TNNI3K: variants seen among roughly 807,000 people sequenced by gnomAD.
TNNI3K encodes the protein serine/threonine-protein kinase TNNI3K.
A neutral mutation model predicts 114.5 loss-of-function variants in TNNI3K; 140 were observed. That is an observed-to-expected ratio of 1.22 (90% CI 1.07 to 1.41). TNNI3K has a LOEUF of 1.41. TNNI3K is among the 40% of genes most tolerant of loss of function. The pLI is 0.00. For synonymous variants in TNNI3K, 347 were observed against 347.5 expected (o/e 1.00, Z 0.02); for missense variants, 1,125 against 1,007.6 (o/e 1.12, Z -1.58).
intron 20 of TNNI3K, among the ~76,000 whole-genome samples, chr1:74,449,763 G>T (rs879224065): frequency 4.6e-5 from 7 of 151,152 alleles, no homozygotes; most frequent in African/African-American, 9.8e-5. Flanking sequence ...AGCAAGTCCT[G>T]AGTGACCTAC....
chr1:74,371,267 C>T (rs1662583930), intron 17 of TNNI3K: 1 of 151,834 alleles, frequency 6.6e-6, no homozygotes, highest in Non-Finnish European at 1.5e-5. Flanking sequence ...TGGTCAACAA[C>T]TATGTTTGAA....
intron 5 of TNNI3K, among the ~76,000 whole-genome samples, chr1:74,307,562 G>A (rs755458906): frequency 1.3e-5 from 2 of 152,140 alleles, no homozygotes; most frequent in Admixed American, 6.5e-5. Context: ...TAATGATGAA[G>A]GGTTCAAATC....
chr1:74,371,009 T>C (rs1038597961), intron 17 of TNNI3K: 4 of 151,850 alleles, frequency 2.6e-5, no homozygotes, highest in African/African-American at 9.7e-5. Context: ...AGGAGAAAAC[T>C]CTATTTACTT....
chr1:74,257,487 A>G (rs1293767324), intron 4 of TNNI3K, among the ~76,000 whole-genome samples: 1 of 151,976 alleles, frequency 6.6e-6, no homozygotes, highest in Non-Finnish European at 1.5e-5. Context: ...GTTATAGGAA[A>G]TCTTTATCAT....
chr1:74,307,529 A>G (rs1658717218), intron 5 of TNNI3K, among the ~76,000 whole-genome samples: 1 of 152,184 alleles, frequency 6.6e-6, no homozygotes, highest in African/African-American at 2.4e-5. Flanking sequence ...CAACAGTAAT[A>G]AGGGACAAAT....
intron 23 of TNNI3K, among the ~76,000 whole-genome samples, chr1:74,539,313 G>A (rs1296059719): frequency 6.6e-6 from 1 of 152,152 alleles, no homozygotes; most frequent in Admixed American, 6.6e-5. Context: ...AACTGGCTTG[G>A]GTGCTGGGAG....
chr1:74,468,134 G>C (rs1041866304), intron 21 of TNNI3K: 1 of 152,190 alleles, frequency 6.6e-6, no homozygotes, highest in African/African-American at 2.4e-5. Flanking sequence ...TAGGATTGCT[G>C]CCTCCTGAGA....
chr1:74,416,767 T>C (rs987918670), intron 17 of TNNI3K, among the ~76,000 whole-genome samples: 11 of 152,154 alleles, frequency 7.2e-5, no homozygotes, highest in Non-Finnish European at 1.6e-4. Flanking sequence ...AGAAAAATGT[T>C]TGACTGGTAG....
intron 4 of TNNI3K, 123 bp from the exon 5 acceptor site, chr1:74,271,475 C>A: frequency 1.2e-6 from 1 of 837,914 alleles, no homozygotes; most frequent in Non-Finnish European, 1.8e-6. Flanking sequence ...TGCTAGAAAT[C>A]ACACTTAAGT....
chr1:74,346,846 GC>G (rs1223181850), intron 9 of TNNI3K, among the ~76,000 whole-genome samples: 4 of 151,592 alleles, frequency 2.6e-5, no homozygotes, highest in African/African-American at 7.3e-5. Flanking sequence ...GCAGATGGCT[GC>G]CTTCTTGCTG....
In TNNI3K at chr1:74,435,938, A is replaced by G. The variant is rs565497810; in HGVS notation, c.1773-142A>G. The G allele has an allele frequency of 2.9e-6, 3 of 1,044,514 alleles. No homozygotes were observed. The East Asian group carries it at 7.6e-5, about 26-fold the overall frequency. 64.7% of individuals were successfully genotyped at this position (1,044,514 alleles called of 1,614,324 possible). A position where few individuals can be genotyped will look rare whatever the true frequency, so the allele number is the denominator to read the frequency against. On this transcript the variant is annotated intron_variant, in intron 17 of 24. Transcript: ENST00000326637. ...TGTTTTGAATCAGCAAAACTAAAAA[A>G]TTTTGATTTAGCCCTTTGGGGCCCA... is the stretch of plus-strand genomic sequence containing the variant.
intron 2 of TNNI3K, among the ~76,000 whole-genome samples, chr1:74,239,772 T>C: frequency 6.6e-6 from 1 of 152,090 alleles, no homozygotes; most frequent in East Asian, 1.9e-4. Context: ...ACCCACAACA[T>C]AATAAACAGC....
chr1:74,255,233 A>G (rs551100541), intron 4 of TNNI3K, among the ~76,000 whole-genome samples: 1 of 151,438 alleles, frequency 6.6e-6, no homozygotes, highest in Admixed American at 6.6e-5. Context: ...GGGCGCCTGT[A>G]GTCCCAGCTA....
At chr1:74,274,137 G>C (rs1656524918) in intron 5 of TNNI3K, among the ~76,000 whole-genome samples, 1 of 151,770 alleles carries the variant, frequency 6.6e-6, no homozygotes, top group Non-Finnish European at 1.5e-5. Context: ...AATGTTACAT[G>C]TATTATATAC....
chr1:74,405,182 T>C (rs905856175), intron 17 of TNNI3K, among the ~76,000 whole-genome samples: 2 of 152,076 alleles, frequency 1.3e-5, no homozygotes, highest in African/African-American at 4.8e-5. Context: ...TAGGTGCCAG[T>C]TGGATTATTC....
intron 5 of TNNI3K, 119 bp downstream of exon 5, chr1:74,271,827 T>C (rs1392819928): frequency 3.9e-6 from 3 of 776,148 alleles, no homozygotes; most frequent in Non-Finnish European, 5.9e-6. Flanking sequence ...TTTTAGCTAC[T>C]GAACACATTG....
intron 5 of TNNI3K, among the ~76,000 whole-genome samples, chr1:74,272,594 G>A (rs1430274541): frequency 2.0e-5 from 3 of 151,734 alleles, no homozygotes; most frequent in Admixed American, 6.6e-5. Context: ...TGGAGTGAGC[G>A]GAGGAAGAAT....
chr1:74,351,686 A>G (rs964622004), intron 9 of TNNI3K, among the ~76,000 whole-genome samples: 4 of 152,010 alleles, frequency 2.6e-5, no homozygotes, highest in African/African-American at 9.7e-5. Context: ...TGTTTTCTCT[A>G]AACTTCTCTT....
chr1:74,271,682 A>G lies in TNNI3K; in HGVS notation c.418A>G (p.Ile140Val). ...ATACGGTGGCCTCACTGCCCTCCAT[A>G]TTGCTACAATAGCTGGCCACCTAGA... Reference protein sequence around the residue: ...VGYGGLTALHIATIAGHLEAA... With the variant: ...VGYGGLTALHVATIAGHLEAA... The change falls in exon 5 of 25, where the codon ATT becomes GTT. Residue 140 changes from isoleucine (I) to valine (V), a missense_variant. By Grantham distance (29) the Ile-to-Val change is conservative. Transcript: ENST00000326637. 1 of 1,608,416 alleles carries G rather than the reference A, an allele frequency of 6.2e-7. No individual in the cohort carries two copies. The highest frequency in any genetic ancestry group is 2.2e-5 in the East Asian group (1 of 44,752).
Sources: allele counts gnomAD v4.1 joint callset (sites outside exome capture counted in the v4.1 genomes callset), GRCh38; gene constraint gnomAD v4.1.1; transcripts MANE v1.5; gene names NCBI Gene and HGNC (gene_info 2026-07-23, HGNC 2026-07-21).